WDR25: variants seen among roughly 807,000 people sequenced by gnomAD.
WDR25 encodes the protein WD repeat-containing protein 25.
WDR25 carries 35 observed loss-of-function variants against 47.7 expected under a neutral mutation model. The observed-to-expected ratio is 0.73, with a 90% confidence interval of 0.56 to 0.97. The LOEUF is 0.97. WDR25 is among the 50% of genes least tolerant of loss of function. WDR25 has a pLI of 0.00. For synonymous variants in WDR25, 248 were observed against 278.9 expected, an observed-to-expected ratio of 0.89 and a Z score of 1.10; for missense variants, 634 against 704.7, an observed-to-expected ratio of 0.90 and a Z score of 1.14.
chr14:100,514,081 G>A (rs1350492733), intron 4 of WDR25, among the ~76,000 whole-genome samples: 4 of 151,654 alleles, frequency 2.6e-5, no homozygotes, highest in East Asian at 1.9e-4. Context: ...GACTACAGGC[G>A]CCCGCCACCA....
intron 2 of WDR25, among the ~76,000 whole-genome samples, chr14:100,442,574 C>T (rs149018866): frequency 1.4e-4 from 21 of 152,320 alleles, no homozygotes; most frequent in African/African-American, 5.1e-4. Flanking sequence ...TGTATCTCGA[C>T]CTGTTGCTCA....
intron 2 of WDR25, among the ~76,000 whole-genome samples, chr14:100,413,105 C>T (rs1401593148): frequency 1.3e-5 from 2 of 152,194 alleles, no homozygotes; most frequent in Non-Finnish European, 2.9e-5. Context: ...TCTGGGATTA[C>T]AGGCATGAGT....
chr14:100,440,651 G>A lies in WDR25; in HGVS notation c.823-27370G>A, dbSNP rs976307247. On this transcript the variant is annotated intron_variant, in intron 2 of 6. Coordinates refer to ENST00000402312, the MANE Select transcript of WDR25 (RefSeq NM_001161476.3). The surrounding 1 kb of genome is among the most constrained non-coding windows in gnomAD (Gnocchi z 4.4). ...CCTTCCAGGCAACCTTCACCTTCTG[G>A]TCTATTTAGTCTCATTCCCTGTTTT... Among the ~76,000 whole-genome samples, 2 of 152,226 alleles carry A rather than the reference G, an allele frequency of 1.3e-5. No individual in the cohort carries two copies. The highest frequency in any genetic ancestry group is 4.8e-5 in the African/African-American group (2 of 41,442).
chr14:100,429,630 C>T (rs76251715), intron 2 of WDR25, among the ~76,000 whole-genome samples: 3 of 152,168 alleles, frequency 2.0e-5, no homozygotes, highest in African/African-American at 7.2e-5. Context: ...ATACCCTAGA[C>T]TGAGTGGCCC....
chr14:100,463,147 C>G, intron 2 of WDR25, among the ~76,000 whole-genome samples: 1 of 150,570 alleles, frequency 6.6e-6, no homozygotes, highest in East Asian at 2.0e-4. Context: ...TTTCTCTCCT[C>G]TCCCCAATTC....
At chr14:100,414,280 G>A (rs982817181) in intron 2 of WDR25, among the ~76,000 whole-genome samples, 1 of 149,246 alleles carries the variant, frequency 6.7e-6, no homozygotes, top group Non-Finnish European at 1.5e-5. Context: ...AGGATTACAG[G>A]CATGAGCCAC....
chr14:100,507,847 A>G (rs1901167972), intron 4 of WDR25, among the ~76,000 whole-genome samples: 1 of 152,118 alleles, frequency 6.6e-6, no homozygotes, highest in African/African-American at 2.4e-5. Context: ...TTTTCTAAAT[A>G]TTGAATAATA....
chr14:100,381,088 T>G lies in WDR25; in HGVS notation c.164T>G (p.Leu55Arg). 6.2e-7 allele frequency: 1 copy of G among 1,614,246 alleles called. No individual in the cohort carries two copies. Among genetic ancestry groups the G allele is most frequent in the Non-Finnish European group, 8.5e-7 (1 of 1,180,038 alleles). ...PPGQDFASGT[L>R]DVPKAGAQPT... is the part of the protein sequence containing the mutation. ...GGGCAGGATTTTGCATCTGGTACACTGGATGTGCCCAAAGCAGGGGCACAG... is the reference window on the plus strand; with the variant it reads ...GGGCAGGATTTTGCATCTGGTACACGGGATGTGCCCAAAGCAGGGGCACAG... The change falls in exon 2 of 7, where the codon CTG (leucine) becomes CGG (arginine). Residue 55 changes from leucine to arginine, a missense_variant. Leu to Arg is a moderately radical substitution (Grantham distance 102). Coordinates refer to ENST00000402312, the MANE Select transcript of WDR25 (RefSeq NM_001161476.3).
At chr14:100,485,755 A>G (rs550397737) in intron 4 of WDR25, among the ~76,000 whole-genome samples, 2 of 152,292 alleles carry the variant, frequency 1.3e-5, no homozygotes, top group African/African-American at 4.8e-5. Flanking sequence ...CCTAGATTCC[A>G]AATTTGCCTT....
At chr14:100,411,834 C>A (rs561477281) in intron 2 of WDR25, among the ~76,000 whole-genome samples, 48 of 152,302 alleles carry the variant, frequency 3.2e-4, no homozygotes, top group African/African-American at 1.1e-3. Flanking sequence ...CCATGCCCTG[C>A]CTGGTTTTTG....
intron 4 of WDR25, among the ~76,000 whole-genome samples, chr14:100,517,711 G>A (rs1032303510): frequency 1.3e-5 from 2 of 152,158 alleles, no homozygotes; most frequent in Admixed American, 1.3e-4. Flanking sequence ...GGGCGTGGTG[G>A]CACGCGCCTG....
At position 100,506,523 on chromosome 14, in the gene WDR25, CCCA is replaced by C. The variant is rs1163157672; in HGVS notation, c.1102-19343_1102-19341del. On this transcript the variant is annotated intron_variant, in intron 4 of 6. Coordinates refer to ENST00000402312, the MANE Select transcript of WDR25 (RefSeq NM_001161476.3). The surrounding 1 kb of genome is among the most constrained non-coding windows in gnomAD (Gnocchi z 4.8). ...CACAATGGCTGAAATAACTTACATT[CCCA>C]CCAACAGAGTATAAGTGTTCTTTTT... Among the ~76,000 whole-genome samples the C allele has an allele frequency of 6.6e-6, 1 of 152,226 alleles. No individual in the cohort carries two copies. The highest frequency in any genetic ancestry group is 1.5e-5 in the Non-Finnish European group (1 of 68,046).
intron 2 of WDR25, among the ~76,000 whole-genome samples, chr14:100,444,609 C>T (rs1898773185): frequency 6.6e-6 from 1 of 152,176 alleles, no homozygotes; most frequent in African/African-American, 2.4e-5. Context: ...CCTCTGATGC[C>T]CCTCCGTGGC....
rs2030392001 is a variant in WDR25, at chr14:100,529,838, G to T, written c.1432G>T (p.Gly478Cys). The T allele has an allele frequency of 1.2e-6, 2 of 1,612,248 alleles. No individual in the cohort carries two copies. Among genetic ancestry groups the T allele is most frequent in the South Asian group, 2.2e-5 (2 of 91,040 alleles). Residue 478 changes from glycine (G) to cysteine (C), a missense_variant, in exon 7 of 7, where the codon GGC becomes TGC. Physicochemically the swap from Gly to Cys is radical, Grantham distance 159. Transcript: ENST00000402312. This position sits in a 1 kb window ranked among gnomAD's most constrained non-coding sequence, Gnocchi z 5.1. Reference protein sequence around the residue: ...EGHKVEGYSVGCECSPGGDLL... With the variant: ...EGHKVEGYSVCCECSPGGDLL... ...TCTGCAGGTGGAGGGCTACTCAGTG[G>T]GCTGCGAGTGCTCCCCAGGCGGTGA...
At chr14:100,434,123 T>G (rs1898427073) in intron 2 of WDR25, among the ~76,000 whole-genome samples, 1 of 152,140 alleles carries the variant, frequency 6.6e-6, no homozygotes. Context: ...ATTTGGGTAT[T>G]AGATGTGCTC....
At chr14:100,393,199 C>T (rs1461404892) in intron 2 of WDR25, among the ~76,000 whole-genome samples, 1 of 152,226 alleles carries the variant, frequency 6.6e-6, no homozygotes, top group Non-Finnish European at 1.5e-5. Flanking sequence ...TCACAAGTAG[C>T]AATTTCTCTC....
chr14:100,517,951 C>T (rs1284851361), intron 4 of WDR25, among the ~76,000 whole-genome samples: 2 of 152,212 alleles, frequency 1.3e-5, no homozygotes, highest in Non-Finnish European at 2.9e-5. Context: ...CATCTACATA[C>T]ATTGAAGATC....
intron 1 of WDR25, among the ~76,000 whole-genome samples, chr14:100,377,313 T>TG (rs397728240): frequency 4.7e-4 from 69 of 147,046 alleles, no homozygotes; most frequent in Middle Eastern, 3.5e-3. Flanking sequence ...TTGTTGTTGT[T>TG]TTTTGAGACC....
chr14:100,382,325 C>T (rs977754844), intron 2 of WDR25, among the ~76,000 whole-genome samples: 2 of 152,118 alleles, frequency 1.3e-5, no homozygotes, highest in Non-Finnish European at 2.9e-5. Flanking sequence ...TGAAGGCCTC[C>T]TGAGGAAGGG....
Sources: allele counts gnomAD v4.1 joint callset (sites outside exome capture counted in the v4.1 genomes callset), GRCh38; gene constraint gnomAD v4.1.1; non-coding constraint Gnocchi (gnomAD v3.1); transcripts MANE v1.5; gene names NCBI Gene and HGNC (gene_info 2026-07-23, HGNC 2026-07-21).